The following SLC16A2 variants were observed in gnomAD, a reference collection of about 807,000 sequenced individuals.
SLC16A2 encodes monocarboxylate transporter 8.
Under a neutral mutation model 27.2 loss-of-function variants are expected in SLC16A2, and 3 were observed. The ratio of observed to expected loss-of-function variants is 0.11; its 90% CI spans 0.05 to 0.28. The LOEUF (loss-of-function observed/expected upper bound fraction) is 0.28, where lower values mean the gene tolerates loss of function less well. Among genes scored for constraint, SLC16A2 ranks in the 10% least tolerant of loss-of-function variants. SLC16A2 has a pLI of 1.00. For missense variants in SLC16A2, 295 were observed against 458.5 expected (o/e 0.64, Z 3.26); for synonymous variants, 202 against 187.8 (o/e 1.08, Z -0.62).
intron 1 of SLC16A2, among the ~76,000 whole-genome samples, chrX:74,466,887 A>G (rs1929261436): frequency 8.9e-6 from 1 of 112,456 alleles, no homozygotes; most frequent in South Asian, 3.7e-4. Context: ...GGCCCTAGAG[A>G]GGTTTTAGAC....
At chrX:74,429,452 A>G in intron 1 of SLC16A2, among the ~76,000 whole-genome samples, 1 of 108,822 alleles carries the variant, frequency 9.2e-6, no homozygotes, top group Non-Finnish European at 1.9e-5. Flanking sequence ...AGCCTGGGTG[A>G]CAAGTGAGAC....
chrX:74,469,434 A>T (rs1483531985), intron 1 of SLC16A2, among the ~76,000 whole-genome samples: 1 of 112,119 alleles, frequency 8.9e-6, no homozygotes, highest in South Asian at 3.7e-4. Context: ...CCCATTTTAC[A>T]TTCCTACAAA....
At position 74,525,770 on chromosome X, in the gene SLC16A2, G is replaced by A. The variant is rs1490474425; in HGVS notation, c.1047G>A (p.Glu349=). Residue 349 remains glutamate (E), a synonymous_variant, in exon 4 of 6, where the codon GAG becomes GAA. Transcript: ENST00000587091. ...TTCAGATGAAGTATGTGGAGGAGGA[G>A]TTCTCAGAAATCAAGGAGACCTGGG... The part of the protein sequence containing the change: ...YVHLMKYVEE[E]FSEIKETWVL... The A allele has an allele frequency of 1.7e-6, 2 of 1,211,736 alleles. No individual in the cohort carries two copies. The highest frequency in any genetic ancestry group is 3.0e-5 in the East Asian group (1 of 33,830).
chrX:74,482,678 G>T (rs1929643185), intron 1 of SLC16A2, among the ~76,000 whole-genome samples: 1 of 111,033 alleles, frequency 9.0e-6, no homozygotes, highest in Admixed American at 9.6e-5. Flanking sequence ...TTGATGGAAA[G>T]AATTTCTCAC....
At chrX:74,480,646 A>G (rs1225970286) in intron 1 of SLC16A2, among the ~76,000 whole-genome samples, 3 of 112,352 alleles carry the variant, frequency 2.7e-5, no homozygotes, top group East Asian at 2.8e-4. Flanking sequence ...AAAAGTCAGT[A>G]TTTTCTATAT....
intron 1 of SLC16A2, among the ~76,000 whole-genome samples, chrX:74,433,818 A>T (rs1252296065): frequency 8.9e-6 from 1 of 112,197 alleles, no homozygotes; most frequent in East Asian, 2.8e-4. Flanking sequence ...ATGGGGCTTT[A>T]GTGTCAAACA....
chrX:74,518,460 G>A (rs774185824), intron 1 of SLC16A2, among the ~76,000 whole-genome samples: 19 of 110,329 alleles, frequency 1.7e-4, no homozygotes, highest in East Asian at 2.9e-4. Flanking sequence ...GCATGGTGGC[G>A]TGCGCCTGTA....
intron 1 of SLC16A2, among the ~76,000 whole-genome samples, chrX:74,448,280 T>C (rs1432706306): frequency 2.8e-5 from 3 of 107,293 alleles, no homozygotes; most frequent in Admixed American, 1.0e-4. Context: ...TTGGGAACTA[T>C]TTGTCTGGTT....
At chrX:74,457,901 C>T (rs1228491491) in intron 1 of SLC16A2, among the ~76,000 whole-genome samples, 2 of 111,915 alleles carry the variant, frequency 1.8e-5, no homozygotes, top group Non-Finnish European at 3.8e-5. Flanking sequence ...TCTTGTCTTG[C>T]TGGCTATGGG....
chrX:74,448,221 G>C (rs1231272980), intron 1 of SLC16A2, among the ~76,000 whole-genome samples: 1 of 109,047 alleles, frequency 9.2e-6, no homozygotes, highest in Non-Finnish European at 1.9e-5. Context: ...AGGCCCCAAA[G>C]TCTGTATTTT....
In SLC16A2 at chrX:74,529,502, C is replaced by T. The variant is rs188234631; in HGVS notation, c.1399+61C>T. The T allele has an allele frequency of 1.5e-3, 1,306 of 850,843 alleles. 4 individuals carry two copies. The highest frequency in any genetic ancestry group is 0.013 in the Middle Eastern group (31 of 2,476). The allele number at this position is 850,843 out of a possible 1,213,427, so 70.1% of individuals were successfully genotyped here. A position where few individuals can be genotyped will look rare whatever the true frequency, so the allele number is the denominator to read the frequency against. Reference sequence around the variant, plus strand: ...GAGTCCTTTTTTCCCTGGGTACTGGCACTCCTGAGCATCTCTCCTTGAGGC... The same window carrying T: ...GAGTCCTTTTTTCCCTGGGTACTGGTACTCCTGAGCATCTCTCCTTGAGGC... On this transcript the variant is annotated intron_variant, in intron 5 of 5. Coordinates refer to ENST00000587091, the MANE Select transcript of SLC16A2 (RefSeq NM_006517.5).
chrX:74,471,733 A>G (rs1381037578), intron 1 of SLC16A2, among the ~76,000 whole-genome samples: 1 of 111,585 alleles, frequency 9.0e-6, no homozygotes, highest in Non-Finnish European at 1.9e-5. Flanking sequence ...TTCTTGTGCA[A>G]CTATCACCAC....
At chrX:74,477,013 CCCTCTTTTTCTA>C (rs1221933724) in intron 1 of SLC16A2, 1 of 112,004 alleles carries the variant, frequency 8.9e-6, no homozygotes, top group African/African-American at 3.2e-5. Flanking sequence ...CGGGAGGATT[CCCTCTTTTTCTA>C]TTGATTGGAA....
chrX:74,475,310 C>T (rs762333605), intron 1 of SLC16A2, among the ~76,000 whole-genome samples: 148 of 97,782 alleles, frequency 1.5e-3, no homozygotes, highest in Middle Eastern at 0.015. Flanking sequence ...ATCCTTCGCC[C>T]GCTTGTTGAT....
At chrX:74,492,350 A>C (rs902180519) in intron 1 of SLC16A2, among the ~76,000 whole-genome samples, 2 of 111,512 alleles carry the variant, frequency 1.8e-5, no homozygotes, top group Non-Finnish European at 3.8e-5. Flanking sequence ...GGTAAAGTAC[A>C]TAAAGAGCTG....
chrX:74,454,290 T>C lies in SLC16A2; in HGVS notation c.430+32223T>C, dbSNP rs753393452. 3.5e-3 allele frequency among the ~76,000 whole-genome samples: 391 copies of C among 110,827 alleles called. 2 individuals carry two copies. Among genetic ancestry groups the C allele is most frequent in the African/African-American group, 0.012 (372 of 30,398 alleles). ...GACACATGCACACGTATGTTTATTG[T>C]GGCACTATTCACAATAGCAAAGACT... On this transcript the variant is annotated intron_variant, in intron 1 of 5. Transcript: ENST00000587091.
intron 1 of SLC16A2, among the ~76,000 whole-genome samples, chrX:74,469,812 G>T (rs149343149): frequency 0.015 from 1,607 of 110,825 alleles, 14 homozygotes; most frequent in Non-Finnish European, 0.018. Context: ...TATAATTGAT[G>T]AACCTACATT....
chrX:74,451,473 A>G (rs753925937), intron 1 of SLC16A2, among the ~76,000 whole-genome samples: 12 of 112,320 alleles, frequency 1.1e-4, no homozygotes, highest in Non-Finnish European at 2.3e-4. Context: ...ACTGTGTGAG[A>G]TTATTCAGAC....
chrX:74,424,697 A>G (rs1928372787), intron 1 of SLC16A2, among the ~76,000 whole-genome samples: 2 of 111,637 alleles, frequency 1.8e-5, no homozygotes, highest in South Asian at 7.5e-4. Flanking sequence ...TTCCATCTCT[A>G]AGAGTCTATG....
Sources: allele counts gnomAD v4.1 joint callset (sites outside exome capture counted in the v4.1 genomes callset), GRCh38; gene constraint gnomAD v4.1.1; transcripts MANE v1.5; gene names NCBI Gene and HGNC (gene_info 2026-07-23, HGNC 2026-07-21).